Variants in ZNF536 observed in about 807,000 individuals in gnomAD.
ZNF536 encodes zinc finger protein 536.
In ZNF536, 13 loss-of-function variants were observed where a neutral mutation model predicts 84.5. The ratio of observed to expected loss-of-function variants is 0.15; its 90% CI spans 0.10 to 0.24. ZNF536 has a LOEUF of 0.24. Among genes scored for constraint, ZNF536 ranks in the 10% least tolerant of loss-of-function variants. The probability of loss-of-function intolerance (pLI) is 1.00; values close to 1 mark genes in which losing one functional copy is unlikely to be tolerated. For synonymous variants in ZNF536, 811 were observed against 742.5 expected (o/e 1.09, Z -1.50); for missense variants, 1,536 against 1,747.5 (o/e 0.88, Z 2.16).
chr19:30,355,185 A>G (rs1237719048), intron 3 of ZNF536, among the ~76,000 whole-genome samples: 2 of 152,082 alleles, frequency 1.3e-5, no homozygotes, highest in African/African-American at 4.8e-5. Context: ...ATGGTGATGC[A>G]TCATGGAGCT....
chr19:30,652,919 T>A (rs1052057498), intron 1 of ZNF536, among the ~76,000 whole-genome samples: 3 of 152,102 alleles, frequency 2.0e-5, no homozygotes, highest in Non-Finnish European at 4.4e-5. Flanking sequence ...GTGTGGGCAG[T>A]GGAAGCTGTA....
chr19:30,701,177 G>A (rs913254320), intron 1 of ZNF536, among the ~76,000 whole-genome samples: 1 of 145,118 alleles, frequency 6.9e-6, no homozygotes, highest in Non-Finnish European at 1.5e-5. Context: ...TGGTGCATGT[G>A]CTATATCTCA....
intron 1 of ZNF536, among the ~76,000 whole-genome samples, chr19:30,643,662 G>C (rs1293853840): frequency 1.3e-5 from 2 of 152,088 alleles, no homozygotes; most frequent in Non-Finnish European, 2.9e-5. Flanking sequence ...TTCTGCAGGG[G>C]GGGGTTTTGG....
rs192232145 is a variant in ZNF536 at position 30,498,705 on chromosome 19, G to A, written c.2171-36142G>A. The stretch of plus-strand genomic sequence containing the variant: ...AATGCATTAAATAAGAGGCGGAGTG[G>A]CTGTCACATCCAGGGCTCTGGGACT... On this transcript the variant is annotated intron_variant, in intron 2 of 4. Transcript: ENST00000355537. Among the ~76,000 whole-genome samples, 132 of 152,332 alleles carry A rather than the reference G, an allele frequency of 8.7e-4. 1 individual carries two copies. Among genetic ancestry groups the A allele is most frequent in the African/African-American group, 3.1e-3 (127 of 41,578 alleles).
At chr19:30,521,864 T>C (rs2044333918) in intron 2 of ZNF536, among the ~76,000 whole-genome samples, 1 of 152,108 alleles carries the variant, frequency 6.6e-6, no homozygotes. Flanking sequence ...CATGTGGATA[T>C]ATCAGAAGAA....
At chr19:30,263,108 A>C (rs1390455344) in intron 1 of ZNF536, among the ~76,000 whole-genome samples, 1 of 152,064 alleles carries the variant, frequency 6.6e-6, no homozygotes, top group Non-Finnish European at 1.5e-5. Context: ...AGGAGGTGGG[A>C]GGAGGGCTGC....
chr19:30,325,909 G>T (rs11084530), intron 2 of ZNF536, among the ~76,000 whole-genome samples: 28,693 of 152,044 alleles, frequency 0.19, 3,152 homozygotes, highest in East Asian at 0.42. Context: ...AACTGTGACG[G>T]GAGGGGCTGC....
chr19:30,226,067 G>A (rs1199304909), upstream of ZNF536, among the ~76,000 whole-genome samples: 2 of 151,874 alleles, frequency 1.3e-5, no homozygotes, highest in African/African-American at 2.4e-5. This position sits in a 1 kb window ranked among gnomAD's most constrained non-coding sequence, Gnocchi z 4.6. Context: ...CCGCGGTCCC[G>A]GGACCGTTAC....
chr19:30,304,178 C>T (rs2046276994), intron 2 of ZNF536, among the ~76,000 whole-genome samples: 1 of 152,202 alleles, frequency 6.6e-6, no homozygotes, highest in Admixed American at 6.5e-5. Flanking sequence ...TATCCCCTGG[C>T]ATTTTCTGGG....
chr19:30,543,754 C>T (rs897976880), intron 3 of ZNF536, among the ~76,000 whole-genome samples: 3 of 152,206 alleles, frequency 2.0e-5, no homozygotes, highest in Non-Finnish European at 4.4e-5. Flanking sequence ...TGCCCCACCC[C>T]GTCTAGGCCA....
intron 1 of ZNF536, among the ~76,000 whole-genome samples, chr19:30,266,647 A>G (rs2025529407): frequency 6.6e-6 from 1 of 152,204 alleles, no homozygotes; most frequent in South Asian, 2.1e-4. Context: ...TGTCAAGATC[A>G]TTTTTATTAG....
chr19:30,620,539 G>C (rs1323128929), intron 1 of ZNF536, among the ~76,000 whole-genome samples: 1 of 152,118 alleles, frequency 6.6e-6, no homozygotes, highest in South Asian at 2.1e-4. Context: ...CTGCCATCCA[G>C]GGGTCTGTGG....
At chr19:30,333,825 T>C (rs1167678969) in intron 2 of ZNF536, among the ~76,000 whole-genome samples, 1 of 152,198 alleles carries the variant, frequency 6.6e-6, no homozygotes, top group Non-Finnish European at 1.5e-5. Context: ...GCCCTAATGA[T>C]ATGTTTATTT....
chr19:30,463,800 G>T (rs1001047931), intron 2 of ZNF536, among the ~76,000 whole-genome samples: 1 of 152,136 alleles, frequency 6.6e-6, no homozygotes, highest in Admixed American at 6.5e-5. Flanking sequence ...GTTACCAGGT[G>T]CATGAGGGAG....
chr19:30,655,240 A>G (rs2049864958), intron 1 of ZNF536, among the ~76,000 whole-genome samples: 1 of 152,222 alleles, frequency 6.6e-6, no homozygotes, highest in South Asian at 2.1e-4. Flanking sequence ...GAGTATTGCA[A>G]TGACAGACTG....
intron 1 of ZNF536, among the ~76,000 whole-genome samples, chr19:30,412,333 CAT>C (rs1363069921): frequency 1.3e-5 from 2 of 151,910 alleles, no homozygotes; most frequent in Non-Finnish European, 2.9e-5. Flanking sequence ...TGCCATTAAA[CAT>C]AATGTGTGAT....
At chr19:30,277,908 A>T (rs925735304) in intron 1 of ZNF536, among the ~76,000 whole-genome samples, 2 of 152,186 alleles carry the variant, frequency 1.3e-5, no homozygotes, top group African/African-American at 2.4e-5. Flanking sequence ...GCCCTCTGGG[A>T]GGAGGGTGGT....
intron 3 of ZNF536, among the ~76,000 whole-genome samples, chr19:30,354,336 C>G (rs1234373389): frequency 6.6e-6 from 1 of 152,168 alleles, no homozygotes. Context: ...TCATCAGATT[C>G]CCTGACACAG....
intron 1 of ZNF536, among the ~76,000 whole-genome samples, chr19:30,612,498 C>T (rs1207969406): frequency 6.6e-6 from 1 of 152,160 alleles, no homozygotes; most frequent in Non-Finnish European, 1.5e-5. Flanking sequence ...GAAAACACGG[C>T]TTCCCATCTT....
Sources: gnomAD v4.1 joint callset for allele counts (sites outside exome capture counted in the v4.1 genomes callset) on GRCh38, gnomAD v4.1.1 for gene constraint, Gnocchi (gnomAD v3.1) non-coding constraint, MANE v1.5 for transcripts, NCBI Gene and HGNC (gene_info 2026-07-23, HGNC 2026-07-21) for gene names.